The following ANKS1B variants were observed in gnomAD, a reference collection of about 807,000 sequenced individuals.
The protein encoded by ANKS1B is ankyrin repeat and sterile alpha motif domain-containing protein 1B.
ANKS1B carries 36 observed loss-of-function variants against 148.3 expected under a neutral mutation model. That is an observed-to-expected ratio of 0.24 (90% CI 0.19 to 0.32). The LOEUF is 0.32. Among genes scored for constraint, ANKS1B ranks in the 10% least tolerant of loss-of-function variants. The pLI, the probability that ANKS1B is intolerant of heterozygous loss-of-function variation, is 1.00. For synonymous variants in ANKS1B, 542 were observed against 560.8 expected, an observed-to-expected ratio of 0.97 and a Z score of 0.47; for missense variants, 1,157 against 1,542.6, an observed-to-expected ratio of 0.75 and a Z score of 4.19.
chr12:99,641,197 T>G (rs556247621), intron 9 of ANKS1B, among the ~76,000 whole-genome samples: 44 of 152,320 alleles, frequency 2.9e-4, no homozygotes, highest in African/African-American at 1.0e-3. Flanking sequence ...TTTAAAAATG[T>G]GCGTTTGTAT....
chr12:99,809,130 T>A lies in ANKS1B; in HGVS notation c.373-2430A>T, dbSNP rs143197950. On this transcript the variant is annotated intron_variant, in intron 3 of 26. Transcript: ENST00000683438. Reference sequence around the variant, plus strand: ...TGAGGCACTGATTAATAATTCCTAGTATGGCTATGCAGAATATTCTTAAAA... The same window carrying A: ...TGAGGCACTGATTAATAATTCCTAGAATGGCTATGCAGAATATTCTTAAAA... Among the ~76,000 whole-genome samples the A allele has an allele frequency of 2.7e-3, 406 of 152,242 alleles. 1 individual carries two copies. Among genetic ancestry groups the A allele is most frequent in the African/African-American group, 8.7e-3 (363 of 41,568 alleles).
At chr12:99,907,812 T>TAAAAAAAAA (rs751468199) in intron 1 of ANKS1B, among the ~76,000 whole-genome samples, 7 of 100,154 alleles carry the variant, frequency 7.0e-5, no homozygotes, top group African/African-American at 1.1e-4. Flanking sequence ...GAGAAATTCT[T>TAAAAAAAAA]AAAAAAAAAA....
chr12:99,364,731 A>G (rs190760013), intron 12 of ANKS1B, among the ~76,000 whole-genome samples: 2 of 152,290 alleles, frequency 1.3e-5, no homozygotes, highest in East Asian at 3.9e-4. Context: ...GTAGTTTTAT[A>G]TCATAAACTT....
intron 17 of ANKS1B, among the ~76,000 whole-genome samples, chr12:98,932,300 T>C (rs2099814378): frequency 6.6e-6 from 1 of 152,194 alleles, no homozygotes; most frequent in African/African-American, 2.4e-5. Flanking sequence ...AGAAGAGATG[T>C]TTTCCTTCAT....
intron 9 of ANKS1B, among the ~76,000 whole-genome samples, chr12:99,629,020 T>A (rs776275410): frequency 6.6e-6 from 1 of 152,120 alleles, no homozygotes; most frequent in Non-Finnish European, 1.5e-5. Context: ...CAAAAATCCA[T>A]CCTACCACTT....
intron 12 of ANKS1B, among the ~76,000 whole-genome samples, chr12:99,271,557 G>C (rs935961575): frequency 1.3e-4 from 20 of 150,898 alleles, no homozygotes; most frequent in African/African-American, 4.9e-4. Context: ...AATTAGTTAA[G>C]AGAAGGGGCC....
At chr12:99,615,200 C>CAGAT (rs1228507737) in intron 9 of ANKS1B, among the ~76,000 whole-genome samples, 4 of 139,120 alleles carry the variant, frequency 2.9e-5, no homozygotes, top group African/African-American at 7.8e-5. Flanking sequence ...GACAGACAGA[C>CAGAT]AGACAGATAC....
At chr12:99,275,812 T>C (rs2077602090) in intron 12 of ANKS1B, among the ~76,000 whole-genome samples, 1 of 152,218 alleles carries the variant, frequency 6.6e-6, no homozygotes, top group Admixed American at 6.5e-5. Flanking sequence ...GGAAAATGTA[T>C]AGATGGAAAG....
intron 14 of ANKS1B, among the ~76,000 whole-genome samples, chr12:99,234,534 G>A (rs983980320): frequency 6.6e-6 from 1 of 152,062 alleles, no homozygotes; most frequent in Non-Finnish European, 1.5e-5. Context: ...ATTTATTTTG[G>A]TATGACCACA....
chr12:99,821,620 TA>T (rs1342980975), intron 2 of ANKS1B, among the ~76,000 whole-genome samples: 1 of 152,018 alleles, frequency 6.6e-6, no homozygotes, highest in African/African-American at 2.4e-5. Context: ...GGGACAATAT[TA>T]CTTTAAGAAG....
At chr12:99,478,774 A>G (rs1322205593) in intron 10 of ANKS1B, among the ~76,000 whole-genome samples, 2 of 152,088 alleles carry the variant, frequency 1.3e-5, no homozygotes, top group African/African-American at 4.8e-5. Flanking sequence ...AGCTGAAATA[A>G]ACTTTCTAAC....
chr12:98,793,783 T>A (rs1322423468), intron 22 of ANKS1B, among the ~76,000 whole-genome samples: 2 of 152,236 alleles, frequency 1.3e-5, no homozygotes, highest in African/African-American at 2.4e-5. Context: ...GCTTACCTCT[T>A]ACAGTAACAG....
At chr12:98,891,705 T>C (rs2099753093) in intron 17 of ANKS1B, among the ~76,000 whole-genome samples, 1 of 152,192 alleles carries the variant, frequency 6.6e-6, no homozygotes, top group African/African-American at 2.4e-5. Flanking sequence ...TTACATATAA[T>C]AGCCAATGTA....
intron 25 of ANKS1B, among the ~76,000 whole-genome samples, chr12:98,770,024 C>T (rs1050658267): frequency 1.3e-5 from 2 of 152,160 alleles, no homozygotes; most frequent in Non-Finnish European, 2.9e-5. Context: ...TATCTTATGT[C>T]TTTTAGCAGA....
chr12:99,809,310 T>C (rs1397739003), intron 3 of ANKS1B, among the ~76,000 whole-genome samples: 3 of 151,778 alleles, frequency 2.0e-5, no homozygotes, highest in Non-Finnish European at 4.4e-5. Flanking sequence ...GGATTCGAGT[T>C]TCGGTGAATG....
chr12:99,940,245 G>A (rs886872139), intron 1 of ANKS1B, among the ~76,000 whole-genome samples: 35 of 152,102 alleles, frequency 2.3e-4, no homozygotes, highest in African/African-American at 7.2e-4. Context: ...CCCTGTTTGT[G>A]AACATCTGGG....
intron 2 of ANKS1B, among the ~76,000 whole-genome samples, chr12:99,815,238 C>T (rs2068951778): frequency 6.6e-6 from 1 of 151,656 alleles, no homozygotes; most frequent in Admixed American, 6.6e-5. Context: ...ATTCATTCTT[C>T]ATTTATCAGG....
chr12:99,978,247 G>A (rs1002185793), intron 1 of ANKS1B, among the ~76,000 whole-genome samples: 2 of 152,204 alleles, frequency 1.3e-5, no homozygotes, highest in African/African-American at 2.4e-5. Flanking sequence ...AAGAAATCGA[G>A]TCACACAAGA....
chr12:99,663,226 T>C (rs559226197), intron 8 of ANKS1B, among the ~76,000 whole-genome samples: 1 of 152,204 alleles, frequency 6.6e-6, no homozygotes, highest in Admixed American at 6.5e-5. Flanking sequence ...GTGATCATAT[T>C]ACTCACAAAG....
Sources: gnomAD v4.1 joint callset for allele counts (sites outside exome capture counted in the v4.1 genomes callset) on GRCh38, gnomAD v4.1.1 for gene constraint, MANE v1.5 for transcripts, NCBI Gene and HGNC (gene_info 2026-07-23, HGNC 2026-07-21) for gene names.